CSGALNACT1: variants seen among roughly 807,000 people sequenced by gnomAD.
CSGALNACT1 encodes the protein chondroitin sulfate N-acetylgalactosaminyltransferase 1, also known as beta4GalNAcT-1.
A neutral mutation model predicts 51.0 loss-of-function variants in CSGALNACT1; 52 were observed. That is an observed-to-expected ratio of 1.02 (90% CI 0.82 to 1.29). The LOEUF (loss-of-function observed/expected upper bound fraction) is 1.29, where lower values mean the gene tolerates loss of function less well. CSGALNACT1 is among the 50% of genes most tolerant of loss of function. The pLI is 0.00. For missense variants in CSGALNACT1, 935 were observed against 679.2 expected, an observed-to-expected ratio of 1.38 and a Z score of -4.19; for synonymous variants, 341 against 254.4, an observed-to-expected ratio of 1.34 and a Z score of -3.24.
At chr8:19,488,079 G>C (rs1478072950) in intron 4 of CSGALNACT1, among the ~76,000 whole-genome samples, 2 of 152,094 alleles carry the variant, frequency 1.3e-5, no homozygotes, top group Non-Finnish European at 2.9e-5. Context: ...GCTGGGCTCA[G>C]TGGCTCATGC....
intron 2 of CSGALNACT1, among the ~76,000 whole-genome samples, chr8:19,595,979 C>T (rs1344098205): frequency 6.6e-6 from 1 of 151,356 alleles, no homozygotes; most frequent in African/African-American, 2.4e-5. Flanking sequence ...TCCTCCGACT[C>T]TAGCCTCCCA....
intron 1 of CSGALNACT1, among the ~76,000 whole-genome samples, chr8:19,753,355 TA>T (rs148080694): frequency 2.0e-5 from 3 of 151,856 alleles, no homozygotes; most frequent in Non-Finnish European, 4.4e-5. Flanking sequence ...CTTGATTTTT[TA>T]AAAAAAACCA....
intron 8 of CSGALNACT1, among the ~76,000 whole-genome samples, chr8:19,409,308 ACT>A (rs1392504403): frequency 6.6e-6 from 1 of 152,046 alleles, no homozygotes; most frequent in African/African-American, 2.4e-5. Context: ...CTGAAGAAAG[ACT>A]CTGTCCATTC....
At chr8:19,493,289 T>C (rs2074770575) in intron 4 of CSGALNACT1, among the ~76,000 whole-genome samples, 1 of 152,196 alleles carries the variant, frequency 6.6e-6, no homozygotes, top group Non-Finnish European at 1.5e-5. Context: ...CAGTTTCCAC[T>C]CTTTTTTGGG....
chr8:19,444,965 A>G (rs182289985), intron 5 of CSGALNACT1, among the ~76,000 whole-genome samples: 1 of 152,334 alleles, frequency 6.6e-6, no homozygotes, highest in East Asian at 1.9e-4. Context: ...GGCAAGACGC[A>G]TGCAGGGCTC....
intron 5 of CSGALNACT1, among the ~76,000 whole-genome samples, chr8:19,453,020 G>A (rs553559403): frequency 2.0e-5 from 3 of 152,240 alleles, no homozygotes; most frequent in East Asian, 1.9e-4. Context: ...AACTATGTTC[G>A]AGCAAACAGA....
chr8:19,448,519 T>C (rs1263729326), intron 5 of CSGALNACT1, among the ~76,000 whole-genome samples: 1 of 151,992 alleles, frequency 6.6e-6, no homozygotes, highest in Non-Finnish European at 1.5e-5. Flanking sequence ...AGAGCCATAA[T>C]ATAATGCAGG....
At chr8:19,592,554 C>T (rs563175156) in intron 2 of CSGALNACT1, among the ~76,000 whole-genome samples, 80 of 152,238 alleles carry the variant, frequency 5.3e-4, no homozygotes, top group Non-Finnish European at 9.1e-4. Context: ...GAGTTTGAGA[C>T]CAGCGTGGGC....
intron 1 of CSGALNACT1, among the ~76,000 whole-genome samples, chr8:19,752,224 T>C (rs1243838204): frequency 1.3e-5 from 2 of 149,296 alleles, no homozygotes; most frequent in Admixed American, 1.3e-4. Context: ...ATATAAAATA[T>C]ATACACACAC....
chr8:19,647,259 T>C (rs1267563653), intron 1 of CSGALNACT1, among the ~76,000 whole-genome samples: 5 of 152,082 alleles, frequency 3.3e-5, no homozygotes, highest in African/African-American at 4.8e-5. Flanking sequence ...TGACTAAAAA[T>C]GGCTACACGA....
rs573147624 is a variant in CSGALNACT1, at chr8:19,517,203, C to T, written c.-296-11073G>A. On this transcript the variant is annotated intron_variant, in intron 3 of 9. Transcript: ENST00000454498. ...CTGTAATCCCAGCACTTTGGGAGGC[C>T]GAGGTGGGAAGATCACCTGAGTTTG... Among the ~76,000 whole-genome samples the T allele has an allele frequency of 5.9e-4, 90 of 152,192 alleles. 1 individual carries two copies. The East Asian group carries it at 0.014, about 23-fold the overall frequency.
At chr8:19,419,676 C>G (rs1190838083) in intron 7 of CSGALNACT1, among the ~76,000 whole-genome samples, 1 of 152,194 alleles carries the variant, frequency 6.6e-6, no homozygotes, top group Non-Finnish European at 1.5e-5. Context: ...GCTCCACCTC[C>G]TCCCCACCTC....
intron 3 of CSGALNACT1, among the ~76,000 whole-genome samples, chr8:19,519,716 A>T (rs2080264655): frequency 6.6e-6 from 1 of 152,184 alleles, no homozygotes. Flanking sequence ...GCCAAAAGTG[A>T]CAAACTAGTA....
intron 1 of CSGALNACT1, among the ~76,000 whole-genome samples, chr8:19,631,301 C>T (rs1176306138): frequency 1.3e-5 from 2 of 151,994 alleles, no homozygotes; most frequent in African/African-American, 2.4e-5. Context: ...AGTGGCTATA[C>T]CATTTTGCAC....
intron 3 of CSGALNACT1, among the ~76,000 whole-genome samples, chr8:19,546,142 T>C (rs969560553): frequency 1.3e-5 from 2 of 152,094 alleles, no homozygotes; most frequent in African/African-American, 2.4e-5. Flanking sequence ...ATAGCACAAA[T>C]AGATATATGC....
At chr8:19,751,530 T>C (rs1393722534) in intron 1 of CSGALNACT1, among the ~76,000 whole-genome samples, 1 of 152,182 alleles carries the variant, frequency 6.6e-6, no homozygotes, top group Non-Finnish European at 1.5e-5. Context: ...ACTACTAGAA[T>C]GATCTACTCT....
intron 1 of CSGALNACT1, among the ~76,000 whole-genome samples, chr8:19,707,875 C>T (rs373794578): frequency 5.0e-4 from 76 of 152,216 alleles, no homozygotes; most frequent in African/African-American, 1.6e-3. Context: ...ATGGCGCATG[C>T]CTGTAGTCCC....
intron 3 of CSGALNACT1, among the ~76,000 whole-genome samples, chr8:19,536,808 T>G (rs144492877): frequency 6.6e-6 from 1 of 152,264 alleles, no homozygotes; most frequent in Non-Finnish European, 1.5e-5. Context: ...GGCAGAGAGA[T>G]AGATATACAG....
chr8:19,642,871 T>A (rs1017696539), intron 1 of CSGALNACT1, among the ~76,000 whole-genome samples: 19 of 151,976 alleles, frequency 1.3e-4, no homozygotes, highest in African/African-American at 4.1e-4. Context: ...GTCAAAAGAT[T>A]ATCTATAGAA....
Sources: gnomAD v4.1 joint callset for allele counts (sites outside exome capture counted in the v4.1 genomes callset) on GRCh38, gnomAD v4.1.1 for gene constraint, MANE v1.5 for transcripts, NCBI Gene and HGNC (gene_info 2026-07-23, HGNC 2026-07-21) for gene names.